The following ARID4A variants were observed in gnomAD, a reference collection of about 807,000 sequenced individuals.
The protein encoded by ARID4A is AT-rich interactive domain-containing protein 4A.
ARID4A carries 39 observed loss-of-function variants against 148.6 expected under a neutral mutation model. The ratio of observed to expected loss-of-function variants is 0.26; its 90% CI spans 0.20 to 0.34. The LOEUF is 0.34. ARID4A is among the 10% of genes least tolerant of loss of function. ARID4A has a pLI of 1.00. For missense variants in ARID4A, 1,265 were observed against 1,449.1 expected (o/e 0.87, Z 2.06); for synonymous variants, 475 against 481.2 (o/e 0.99, Z 0.17).
rs765572044 is a variant in ARID4A, at chr14:58,299,821, C to A, written c.-34C>A. 2 of 1,614,178 alleles carry A rather than the reference C, an allele frequency of 1.2e-6. No homozygotes were observed. Among genetic ancestry groups the A allele is most frequent in the Admixed American group, 3.3e-5 (2 of 60,028 alleles). On this transcript the variant is annotated 5_prime_UTR_variant, in exon 2 of 24. Transcript: ENST00000355431. Reference sequence around the variant, plus strand: ...AGTTCTAGCGACTGCGAAGATAGCTCGCTGAGCTGGAACCCCACAGATCAC... The same window carrying A: ...AGTTCTAGCGACTGCGAAGATAGCTAGCTGAGCTGGAACCCCACAGATCAC...
intron 5 of ARID4A, among the ~76,000 whole-genome samples, chr14:58,308,010 G>T (rs2031744035): frequency 1.0e-5 from 1 of 100,094 alleles, no homozygotes; most frequent in South Asian, 3.2e-4. Flanking sequence ...TCACTTTGAA[G>T]CTTTACTGAT....
At chr14:58,314,599 AT>A (rs962264302) in intron 5 of ARID4A, among the ~76,000 whole-genome samples, 50 of 148,924 alleles carry the variant, frequency 3.4e-4, no homozygotes, top group African/African-American at 1.1e-3. Flanking sequence ...CTAATTTTTA[AT>A]TTTTTTTTTG....
chr14:58,327,901 G>A (rs1236053597), intron 8 of ARID4A, among the ~76,000 whole-genome samples: 1 of 152,060 alleles, frequency 6.6e-6, no homozygotes, highest in Non-Finnish European at 1.5e-5. Flanking sequence ...TTGAACTCCT[G>A]AGCTCAAGCC....
intron 1 of ARID4A, 33 bp from the exon 2 acceptor site, chr14:58,299,765 T>A (rs547914512): frequency 1.3e-5 from 20 of 1,582,572 alleles, no homozygotes; most frequent in Admixed American, 1.7e-5. Flanking sequence ...GTTGACTGAT[T>A]ATGTCTGTGC....
At chr14:58,344,209 A>G (rs1387528938) in intron 11 of ARID4A, among the ~76,000 whole-genome samples, 1 of 152,166 alleles carries the variant, frequency 6.6e-6, no homozygotes, top group Admixed American at 6.5e-5. Context: ...CTAAACAGAA[A>G]TCCTTTGCCA....
rs745415308 is a variant in ARID4A at position 58,328,265 on chromosome 14, T to A, written c.611T>A (p.Ile204Asn). Reference sequence around the variant, plus strand: ...ATATCTCCCAGCTGTAATGATGACATCACAGTGAAAAAGGATCAGTGTTTA... The same window carrying A: ...ATATCTCCCAGCTGTAATGATGACAACACAGTGAAAAAGGATCAGTGTTTA... ...LVISPSCNDDITVKKDQCLVR... is the reference protein window; with the variant it reads ...LVISPSCNDDNTVKKDQCLVR... Residue 204 changes from isoleucine (I) to asparagine (N), a missense_variant, in exon 9 of 24, where the codon ATC (isoleucine) becomes AAC (asparagine). Around this residue, in one of 9 missense-constraint regions of ARID4A, gnomAD observed 249 missense variants for 277.2 expected, o/e 0.90. Coordinates refer to ENST00000355431, the MANE Select transcript of ARID4A (RefSeq NM_002892.4). 5.6e-6 allele frequency: 9 copies of A among 1,603,158 alleles called. No individual in the cohort carries two copies. The highest frequency in any genetic ancestry group is 7.7e-6 in the Non-Finnish European group (9 of 1,170,746).
chr14:58,300,388 T>G (rs530581188), intron 2 of ARID4A, among the ~76,000 whole-genome samples: 5 of 152,180 alleles, frequency 3.3e-5, no homozygotes, highest in African/African-American at 1.2e-4. Context: ...AGATACATAT[T>G]CTACTGAGGA....
intron 8 of ARID4A, among the ~76,000 whole-genome samples, chr14:58,326,378 G>A (rs1475943042): frequency 2.0e-5 from 3 of 152,104 alleles, no homozygotes; most frequent in East Asian, 1.9e-4. Flanking sequence ...CGGAACTTGC[G>A]GTGAGCTGAG....
intron 2 of ARID4A, among the ~76,000 whole-genome samples, chr14:58,300,072 G>C (rs2031012300): frequency 6.6e-6 from 1 of 152,208 alleles, no homozygotes; most frequent in Non-Finnish European, 1.5e-5. Flanking sequence ...CTTTGGAAAG[G>C]CTGGTGCAGC....
At chr14:58,314,183 CT>C (rs1170260219) in intron 5 of ARID4A, among the ~76,000 whole-genome samples, 1 of 152,176 alleles carries the variant, frequency 6.6e-6, no homozygotes, top group East Asian at 1.9e-4. Flanking sequence ...TGTAGTCTGA[CT>C]TTTTTTCCTC....
In ARID4A at chr14:58,334,080, G is replaced by GT. The variant is rs1439829058; in HGVS notation, c.906+3912dup. Among the ~76,000 whole-genome samples the GT allele has an allele frequency of 4.6e-5, 7 of 152,230 alleles. No individual in the cohort carries two copies. The East Asian group carries it at 1.2e-3, about 25-fold the overall frequency. ...CAGAGTCTTTCTTCACAGTGTTAGT[G>GT]TAAGAGTCTAACCCAGTTAGGGTCA... is the stretch of plus-strand genomic sequence containing the variant. On this transcript the variant is annotated intron_variant, in intron 11 of 23. Transcript: ENST00000355431.
At chr14:58,361,690 G>A (rs1047913970) in intron 19 of ARID4A, among the ~76,000 whole-genome samples, 4 of 152,162 alleles carry the variant, frequency 2.6e-5, no homozygotes, top group East Asian at 3.9e-4. Flanking sequence ...CTCCACCTAC[G>A]ATGCTGTGTT....
intron 2 of ARID4A, among the ~76,000 whole-genome samples, chr14:58,300,265 A>G (rs1292099388): frequency 6.6e-6 from 1 of 152,226 alleles, no homozygotes; most frequent in African/African-American, 2.4e-5. Context: ...TAATGAAGGT[A>G]TCATTTCTTC....
Position 58,353,725 on chromosome 14 carries a change from A to T in ARID4A, c.1723A>T (p.Thr575Ser). 6.2e-7 allele frequency: 1 copy of T among 1,614,108 alleles called. No homozygotes were observed. Among genetic ancestry groups the T allele is most frequent in the Middle Eastern group, 1.7e-4 (1 of 6,060 alleles). ...TGAGGAAGACATGGAACCCTGCCTA[A>T]CAGGAACCAAAGTGAAAGTAAAATA... ...EDEEDMEPCL[T>S]GTKVKVKYGR... is the part of the protein sequence containing the mutation. The change falls in exon 17 of 24, where the codon ACA becomes TCA. Residue 575 changes from threonine (T) to serine (S), a missense_variant. Physicochemically the swap from Thr to Ser is moderately conservative, Grantham distance 58 (BLOSUM62 1). Transcript: ENST00000355431.
In ARID4A at chr14:58,349,434, C is replaced by G. The variant is rs181451189; in HGVS notation, c.1404+1556C>G. Among the ~76,000 whole-genome samples the G allele has an allele frequency of 3.0e-4, 46 of 150,870 alleles. No homozygotes were observed. The East Asian group carries it at 8.8e-3, about 29-fold the overall frequency. The stretch of plus-strand genomic sequence containing the variant: ...GGCCAAGGCAGGTGGATCTCGAGAT[C>G]AGGAGATCGAGACCAGCCTCGCCAA... On this transcript the variant is annotated intron_variant, in intron 15 of 23. Coordinates refer to ENST00000355431, the MANE Select transcript of ARID4A (RefSeq NM_002892.4).
chr14:58,309,270 T>A (rs2031839644), intron 5 of ARID4A, among the ~76,000 whole-genome samples: 1 of 152,204 alleles, frequency 6.6e-6, no homozygotes, highest in South Asian at 2.1e-4. Context: ...CATGAGCCAC[T>A]GCTCTCAGCT....
At chr14:58,320,790 G>A (rs1052103031) in intron 7 of ARID4A, among the ~76,000 whole-genome samples, 5 of 151,822 alleles carry the variant, frequency 3.3e-5, no homozygotes, top group African/African-American at 1.2e-4. Context: ...TGTATTTTTA[G>A]TAGAGACGGG....
intron 11 of ARID4A, among the ~76,000 whole-genome samples, chr14:58,340,602 G>A (rs970085977): frequency 6.6e-6 from 1 of 152,068 alleles, no homozygotes; most frequent in East Asian, 1.9e-4. Flanking sequence ...CGCCCATCTC[G>A]GCCTCCCAAA....
intron 5 of ARID4A, among the ~76,000 whole-genome samples, chr14:58,312,158 A>G (rs1039219489): frequency 2.6e-5 from 4 of 152,164 alleles, no homozygotes; most frequent in African/African-American, 9.7e-5. Context: ...TAGCCATTCC[A>G]CAATGTATAC....
Sources: allele counts gnomAD v4.1 joint callset (sites outside exome capture counted in the v4.1 genomes callset), GRCh38; gene constraint gnomAD v4.1.1; regional missense constraint gnomAD v4.1.1; transcripts MANE v1.5; gene names NCBI Gene and HGNC (gene_info 2026-07-23, HGNC 2026-07-21).